DIAPH2: variants seen among roughly 807,000 people sequenced by gnomAD.
DIAPH2 encodes diaphanous related formin 2.
Under a neutral mutation model 92.7 loss-of-function variants are expected in DIAPH2, and 35 were observed. The observed-to-expected ratio is 0.38, with a 90% CI of 0.29 to 0.50. The LOEUF (loss-of-function observed/expected upper bound fraction) is 0.50. Ranked by LOEUF, DIAPH2 falls within the 20% of genes least tolerant of loss-of-function variation. DIAPH2 has a pLI of 0.94. For missense variants in DIAPH2, 701 were observed against 819.5 expected (o/e 0.86, Z 1.77); for synonymous variants, 301 against 280.4 (o/e 1.07, Z -0.73).
At chrX:96,864,891 A>G (rs774227978) in intron 4 of DIAPH2, among the ~76,000 whole-genome samples, 1 of 112,047 alleles carries the variant, frequency 8.9e-6, no homozygotes, top group Non-Finnish European at 1.9e-5. Flanking sequence ...AACTTTCCCA[A>G]TCTGTAAAAC....
At chrX:96,857,481 A>G (rs772839495) in intron 4 of DIAPH2, among the ~76,000 whole-genome samples, 1 of 112,624 alleles carries the variant, frequency 8.9e-6, no homozygotes, top group East Asian at 2.8e-4. Context: ...TTATTTTCAG[A>G]GAAACAATCT....
At chrX:97,298,374 G>C (rs1363253142) in intron 23 of DIAPH2, among the ~76,000 whole-genome samples, 1 of 106,040 alleles carries the variant, frequency 9.4e-6, no homozygotes, top group Non-Finnish European at 1.9e-5. Flanking sequence ...ATATGGAAGT[G>C]AATCTACTCT....
At chrX:97,321,544 A>ATTTTTTTTTTTTTTTT (rs72265655) in intron 23 of DIAPH2, among the ~76,000 whole-genome samples, 1 of 48,410 alleles carries the variant, frequency 2.1e-5, no homozygotes, top group Non-Finnish European at 3.7e-5. Flanking sequence ...TTGTGTTGTT[A>ATTTTTTTTTTTTTTTT]TTTTTTTTTT....
intron 7 of DIAPH2, among the ~76,000 whole-genome samples, chrX:96,916,165 G>A (rs1458076760): frequency 9.0e-6 from 1 of 110,987 alleles, no homozygotes; most frequent in Non-Finnish European, 1.9e-5. Context: ...CTTTGTTGAA[G>A]AAATACTGAT....
intron 4 of DIAPH2, among the ~76,000 whole-genome samples, chrX:96,826,138 C>T (rs765418824): frequency 5.3e-4 from 59 of 110,950 alleles, no homozygotes; most frequent in Non-Finnish European, 6.0e-4. Context: ...TTATTTTGGC[C>T]GGGTGTGGTG....
chrX:97,552,491 C>T (rs992598197), intron 26 of DIAPH2, among the ~76,000 whole-genome samples: 19 of 111,301 alleles, frequency 1.7e-4, no homozygotes, highest in Admixed American at 1.9e-4. Context: ...CTGGAATCAA[C>T]ACCTCAAAAT....
At chrX:97,161,022 C>T (rs1476472670) in intron 22 of DIAPH2, among the ~76,000 whole-genome samples, 1 of 106,843 alleles carries the variant, frequency 9.4e-6, no homozygotes, top group African/African-American at 3.4e-5. Context: ...CACATTTTTC[C>T]CTTTAAGGTT....
At chrX:96,788,965 C>T (rs1205984134) in intron 4 of DIAPH2, among the ~76,000 whole-genome samples, 4 of 112,262 alleles carry the variant, frequency 3.6e-5, no homozygotes, top group East Asian at 2.8e-4. Flanking sequence ...GTATAGTAGG[C>T]GTGTGTGTTG....
intron 17 of DIAPH2, among the ~76,000 whole-genome samples, chrX:96,977,283 T>C (rs1026206571): frequency 4.5e-5 from 5 of 112,221 alleles, no homozygotes; most frequent in African/African-American, 1.6e-4. Context: ...GTTCTTTCTA[T>C]AATTTAGATT....
chrX:96,738,821 G>A, intron 3 of DIAPH2, 59 bp downstream of exon 3: 1 of 936,611 alleles, frequency 1.1e-6, no homozygotes. Context: ...GAATAGCACT[G>A]AGTTTTAAGG....
intron 4 of DIAPH2, among the ~76,000 whole-genome samples, chrX:96,791,020 A>C (rs1425097432): frequency 8.9e-6 from 1 of 112,247 alleles, no homozygotes; most frequent in East Asian, 2.8e-4. Context: ...ATACTTAAAG[A>C]GATATCTTTG....
At chrX:96,831,698 T>G (rs182861) in intron 4 of DIAPH2, among the ~76,000 whole-genome samples, 59,397 of 110,666 alleles carry the variant, frequency 0.54, 12,716 homozygotes, top group African/African-American at 0.81. Context: ...ATCTGTATGT[T>G]CTGATATGAA....
At chrX:96,977,238 T>A (rs928660984) in intron 17 of DIAPH2, among the ~76,000 whole-genome samples, 3 of 111,910 alleles carry the variant, frequency 2.7e-5, no homozygotes, top group African/African-American at 9.7e-5. Flanking sequence ...AAACCAAAAC[T>A]AGGAAGCTGT....
chrX:96,793,813 T>G (rs2064518780), intron 4 of DIAPH2, among the ~76,000 whole-genome samples: 1 of 111,791 alleles, frequency 8.9e-6, no homozygotes, highest in South Asian at 3.8e-4. Flanking sequence ...CCATAATTGG[T>G]GTTTTCATAA....
intron 4 of DIAPH2, among the ~76,000 whole-genome samples, chrX:96,824,803 C>T: frequency 8.9e-6 from 1 of 111,876 alleles, no homozygotes; most frequent in South Asian, 3.7e-4. Context: ...TGCAAATTAG[C>T]AAATGCATAC....
intron 24 of DIAPH2, among the ~76,000 whole-genome samples, chrX:97,348,568 C>G (rs2069179253): frequency 9.0e-6 from 1 of 111,454 alleles, no homozygotes; most frequent in African/African-American, 3.3e-5. Context: ...TTAAATAACC[C>G]CAATTTTTAT....
chrX:96,734,143 G>A (rs1849731255), intron 1 of DIAPH2, among the ~76,000 whole-genome samples: 2 of 112,266 alleles, frequency 1.8e-5, no homozygotes, highest in Admixed American at 9.5e-5. Flanking sequence ...TTGAGATACA[G>A]ATTTGAAACA....
At chrX:97,522,583 G>C (rs139154967) in intron 26 of DIAPH2, among the ~76,000 whole-genome samples, 1 of 112,896 alleles carries the variant, frequency 8.9e-6, no homozygotes, top group African/African-American at 3.2e-5. Context: ...GCTTTCATTA[G>C]TGCTTTAATT....
chrX:96,789,284 G>A (rs2064482033), intron 4 of DIAPH2, among the ~76,000 whole-genome samples: 1 of 111,815 alleles, frequency 8.9e-6, no homozygotes, highest in African/African-American at 3.3e-5. Flanking sequence ...TTTATTGGGG[G>A]CCGGTTATGT....
Sources: allele counts gnomAD v4.1 joint callset (sites outside exome capture counted in the v4.1 genomes callset), GRCh38; gene constraint gnomAD v4.1.1; transcripts MANE v1.5; gene names NCBI Gene and HGNC (gene_info 2026-07-23, HGNC 2026-07-21).